ASB5: variants seen among roughly 807,000 people sequenced by gnomAD.
ASB5 encodes ankyrin repeat and SOCS box protein 5.
A neutral mutation model predicts 42.1 loss-of-function variants in ASB5; 45 were observed. That is an observed-to-expected ratio of 1.07 (90% confidence interval 0.84 to 1.37). The LOEUF is 1.37. ASB5 is among the 40% of genes most tolerant of loss of function. ASB5 has a pLI of 0.00. For missense variants in ASB5, 402 were observed against 399.8 expected (o/e 1.01, Z -0.05); for synonymous variants, 147 against 150.6 (o/e 0.98, Z 0.18).
At chr4:176,219,692 G>C (rs550275416) in intron 5 of ASB5, among the ~76,000 whole-genome samples, 1 of 144,438 alleles carries the variant, frequency 6.9e-6, no homozygotes, top group South Asian at 2.2e-4. Context: ...TCAGCCTCTC[G>C]AGCAGCTGGG....
At chr4:176,215,840 T>G (rs1007875681) in intron 6 of ASB5, 113 bp from the exon 7 acceptor site, 6 of 981,642 alleles carry the variant, frequency 6.1e-6, no homozygotes, top group African/African-American at 3.3e-5. Flanking sequence ...AAACCTAGGA[T>G]AGCATGACCA....
intron 1 of ASB5, among the ~76,000 whole-genome samples, chr4:176,245,842 G>A (rs1001904667): frequency 6.6e-6 from 1 of 152,048 alleles, no homozygotes; most frequent in Admixed American, 6.6e-5. Context: ...GGTGGGAATT[G>A]AACAATGAGA....
intron 1 of ASB5, among the ~76,000 whole-genome samples, chr4:176,261,591 G>A (rs1052197995): frequency 1.3e-5 from 2 of 151,864 alleles, no homozygotes; most frequent in Non-Finnish European, 2.9e-5. Flanking sequence ...ATTTAGCTTG[G>A]TTTCATCTCC....
intron 1 of ASB5, among the ~76,000 whole-genome samples, chr4:176,258,442 A>C (rs1754197927): frequency 6.6e-6 from 1 of 152,174 alleles, no homozygotes. Context: ...ACTTTCTTCA[A>C]TATCCAAAGC....
chr4:176,252,238 T>C (rs988782120), intron 1 of ASB5, among the ~76,000 whole-genome samples: 2 of 152,272 alleles, frequency 1.3e-5, no homozygotes, highest in African/African-American at 4.8e-5. Context: ...GCATTACTTA[T>C]AGATTCAACT....
intron 3 of ASB5, 22 bp downstream of exon 3, chr4:176,222,291 T>C (rs1227440969): frequency 5.7e-6 from 9 of 1,567,142 alleles, no homozygotes; most frequent in Non-Finnish European, 7.9e-6. Context: ...GTTAAATGAT[T>C]AATGTTTTGA....
chr4:176,243,059 A>G (rs1166312825), intron 1 of ASB5, among the ~76,000 whole-genome samples: 6 of 152,166 alleles, frequency 3.9e-5, no homozygotes, highest in African/African-American at 1.4e-4. Flanking sequence ...CAAAGTTGAA[A>G]CTGTACGCAA....
In ASB5 at chr4:176,230,554, A is replaced by G. The variant is rs545660842; in HGVS notation, c.197-5213T>C. Among the ~76,000 whole-genome samples the G allele has an allele frequency of 3.9e-5, 6 of 152,298 alleles. No individual in the cohort carries two copies. The East Asian group carries it at 1.2e-3, about 29-fold the overall frequency. ...TATTTATTTTCTTGTAATCCCTTAG[A>G]AGAATTTATGTAATTAATCTAATAA... On this transcript the variant is annotated intron_variant, in intron 1 of 6. Coordinates refer to ENST00000296525, the MANE Select transcript of ASB5 (RefSeq NM_080874.4).
chr4:176,222,992 A>G, intron 2 of ASB5, among the ~76,000 whole-genome samples: 1 of 152,000 alleles, frequency 6.6e-6, no homozygotes, highest in East Asian at 1.9e-4. Flanking sequence ...GTTAGCCAGG[A>G]TGGTCTTGAT....
chr4:176,272,802 G>C (rs922890442), upstream of ASB5, among the ~76,000 whole-genome samples: 1 of 152,086 alleles, frequency 6.6e-6, no homozygotes, highest in African/African-American at 2.4e-5. Flanking sequence ...GGGCTAAACT[G>C]TTTTGACTTA....
chr4:176,226,993 T>C (rs1257149877), intron 1 of ASB5, among the ~76,000 whole-genome samples: 2 of 152,208 alleles, frequency 1.3e-5, no homozygotes, highest in African/African-American at 2.4e-5. Context: ...GTATCACCAT[T>C]GTGGTAAGGA....
intron 1 of ASB5, among the ~76,000 whole-genome samples, chr4:176,245,696 A>G (rs1239692159): frequency 2.0e-5 from 3 of 152,204 alleles, no homozygotes; most frequent in South Asian, 4.1e-4. Flanking sequence ...GCACATATAC[A>G]CCATGGAATA....
chr4:176,241,179 T>C (rs910821601), intron 1 of ASB5, among the ~76,000 whole-genome samples: 13 of 152,204 alleles, frequency 8.5e-5, no homozygotes, highest in Non-Finnish European at 7.3e-5. Flanking sequence ...AATACTATAA[T>C]ATTAACAAAC....
At chr4:176,251,877 G>A (rs72708308) in intron 1 of ASB5, among the ~76,000 whole-genome samples, 16,842 of 151,120 alleles carry the variant, frequency 0.11, 1,203 homozygotes, top group Non-Finnish European at 0.15. Flanking sequence ...CCCTGGGCAA[G>A]CAACATGGCT....
At chr4:176,253,386 C>A (rs1461908390) in intron 1 of ASB5, among the ~76,000 whole-genome samples, 1 of 152,150 alleles carries the variant, frequency 6.6e-6, no homozygotes, top group Non-Finnish European at 1.5e-5. Context: ...TACCAAGTTT[C>A]AAACATAGCT....
intron 1 of ASB5, among the ~76,000 whole-genome samples, chr4:176,266,812 T>C (rs569581847): frequency 6.6e-6 from 1 of 152,248 alleles, no homozygotes; most frequent in East Asian, 1.9e-4. Context: ...GTGTTTCCTA[T>C]TGATATTGAT....
At chr4:176,257,860 A>C (rs146289904) in intron 1 of ASB5, among the ~76,000 whole-genome samples, 1 of 152,088 alleles carries the variant, frequency 6.6e-6, no homozygotes, top group Admixed American at 6.6e-5. Context: ...CAACTTACTA[A>C]GCTCTTTAGA....
chr4:176,237,360 T>C (rs1753711513), intron 1 of ASB5: 2 of 985,612 alleles, frequency 2.0e-6, no homozygotes, highest in Admixed American at 6.1e-5. Flanking sequence ...CTCACTAGCC[T>C]TCTTTTCGTG....
At chr4:176,272,794 G>T (rs1358841525), upstream of ASB5, among the ~76,000 whole-genome samples, 2 of 152,052 alleles carry the variant, frequency 1.3e-5, no homozygotes, top group African/African-American at 4.8e-5. Flanking sequence ...AGATTATGGG[G>T]CTAAACTGTT....
Sources: allele counts gnomAD v4.1 joint callset (sites outside exome capture counted in the v4.1 genomes callset), GRCh38; gene constraint gnomAD v4.1.1; transcripts MANE v1.5; gene names NCBI Gene and HGNC (gene_info 2026-07-23, HGNC 2026-07-21).